DMXL2: variants seen among roughly 807,000 people sequenced by gnomAD.
DMXL2 encodes the protein dmX-like protein 2.
Under a neutral mutation model 331.1 loss-of-function variants are expected in DMXL2, and 103 were observed. That is an observed-to-expected ratio of 0.31 (90% CI 0.27 to 0.37). The LOEUF is 0.37. Among genes scored for constraint, DMXL2 ranks in the 10% least tolerant of loss-of-function variants. DMXL2 has a pLI of 1.00. For synonymous variants in DMXL2, 1,281 were observed against 1,252.1 expected (o/e 1.02, Z -0.49); for missense variants, 3,171 against 3,642.9 (o/e 0.87, Z 3.33).
intron 1 of DMXL2, among the ~76,000 whole-genome samples, chr15:51,613,888 A>C (rs915600267): frequency 1.3e-5 from 2 of 152,204 alleles, no homozygotes; most frequent in Non-Finnish European, 2.9e-5. Context: ...ACCACCAAGT[A>C]GGGTGGCCAC....
In DMXL2 at chr15:51,542,325, T is replaced by C. The variant is rs777731804; in HGVS notation, c.1105+8A>G. The C allele has an allele frequency of 3.9e-5, 62 of 1,609,942 alleles. 1 individual carries two copies. Among genetic ancestry groups the C allele is most frequent in the African/African-American group, 1.3e-5 (1 of 74,860 alleles). On this transcript the variant is annotated splice_region_variant and intron_variant, in intron 9 of 43. Coordinates refer to ENST00000560891, the MANE Select transcript of DMXL2 (RefSeq NM_001378457.1). Reference sequence around the variant, plus strand: ...CATATTTATGGGAAATAAAACTTTATCCTTTACCTGTGGCAGGGTTGATGC... The same window carrying C: ...CATATTTATGGGAAATAAAACTTTACCCTTTACCTGTGGCAGGGTTGATGC...
At chr15:51,477,990 T>G (rs1459859973) in intron 26 of DMXL2, among the ~76,000 whole-genome samples, 1 of 152,058 alleles carries the variant, frequency 6.6e-6, no homozygotes, top group Admixed American at 6.5e-5. Flanking sequence ...TTTCATATTA[T>G]AAGTTATTAT....
intron 6 of DMXL2, among the ~76,000 whole-genome samples, chr15:51,560,062 T>C (rs1354543097): frequency 6.6e-6 from 1 of 152,164 alleles, no homozygotes; most frequent in Non-Finnish European, 1.5e-5. Context: ...GAATGAACTA[T>C]TCAGTAAATG....
At chr15:51,459,567 A>G (rs979355575) in intron 34 of DMXL2, 31 bp downstream of exon 34, 1 of 1,289,166 alleles carries the variant, frequency 7.8e-7, no homozygotes, top group African/African-American at 1.5e-5. Context: ...ACTTTAAAGA[A>G]TGAGCTAAAT....
intron 25 of DMXL2, among the ~76,000 whole-genome samples, chr15:51,479,090 A>G (rs1595949684): frequency 6.6e-6 from 1 of 152,264 alleles, no homozygotes; most frequent in South Asian, 2.1e-4. Context: ...TTGAATTCAT[A>G]TGCTTTTTAT....
intron 3 of DMXL2, 64 bp from the exon 4 acceptor site, chr15:51,565,230 A>T (rs2141050078): frequency 1.0e-6 from 1 of 983,018 alleles, no homozygotes; most frequent in Non-Finnish European, 1.5e-6. Flanking sequence ...TAATATCCCA[A>T]AACACTACCA....
Position 51,622,664 on chromosome 15 carries a change from G to A in DMXL2, c.-119C>T, listed in dbSNP as rs2054735961. On this transcript the variant is annotated 5_prime_UTR_variant, in exon 1 of 44. Transcript: ENST00000560891. ...TCCCTCGGAAACCCGCCCCGCGGAGGCTCTGGCTTAACTCCTCGCCCCCCT... is the reference window on the plus strand; with the variant it reads ...TCCCTCGGAAACCCGCCCCGCGGAGACTCTGGCTTAACTCCTCGCCCCCCT... 4 of 1,446,254 alleles carry A rather than the reference G, an allele frequency of 2.8e-6. No individual in the cohort carries two copies. In the South Asian group the frequency reaches 4.3e-5, roughly 16 times the overall value. The allele number at this position is 1,446,254 out of a possible 1,614,324, so 89.6% of individuals were successfully genotyped here.
intron 37 of DMXL2, among the ~76,000 whole-genome samples, chr15:51,457,116 G>C (rs1040464544): frequency 6.6e-6 from 1 of 152,230 alleles, no homozygotes; most frequent in South Asian, 2.1e-4. Context: ...AGGCTGCAGT[G>C]AGCCGAAATT....
intron 13 of DMXL2, among the ~76,000 whole-genome samples, chr15:51,518,134 AC>A (rs1478851940): frequency 6.6e-6 from 1 of 152,066 alleles, no homozygotes; most frequent in Non-Finnish European, 1.5e-5. Context: ...GAGTTAAGAG[AC>A]CAGCCTGGCC....
chr15:51,476,452 G>GA, intron 27 of DMXL2, 137 bp downstream of exon 27: 8 of 1,039,954 alleles, frequency 7.7e-6, no homozygotes, highest in Non-Finnish European at 1.1e-5. Context: ...ATCCATAGCA[G>GA]AAAAACATCA....
Position 51,499,186 on chromosome 15 carries a change from T to C in DMXL2, c.4038A>G (p.Gln1346=), listed in dbSNP as rs1441118290. ...ATTCTAACAGCTGAGTTGGATGATA[T>C]TGTGGAAGAGTAGGGGAAAGTACAT... ...AAHVLSPTLP[Q]YHPTQLLELM... The change falls in exon 18 of 44, where the codon CAA becomes CAG. Residue 1346 remains glutamine (Q), a synonymous_variant. Transcript: ENST00000560891. The C allele has an allele frequency of 8.7e-6, 14 of 1,614,006 alleles. No homozygotes were observed. The highest frequency in any genetic ancestry group is 6.6e-5 in the South Asian group (6 of 91,088).
chr15:51,457,565 T>G lies in DMXL2; in HGVS notation c.8199-99A>C, dbSNP rs2271674. 15,629 of 1,386,788 alleles carry G rather than the reference T, an allele frequency of 0.011. 831 individuals are homozygous for G. In the African/African-American group the frequency reaches 0.13, roughly 12 times the overall value. The allele number at this position is 1,386,788 out of a possible 1,614,324, so 85.9% of individuals were successfully genotyped here. A position where few individuals can be genotyped will look rare whatever the true frequency, so the allele number is the denominator to read the frequency against. ...TATGTACCCATAGGACAATCTTTAT[T>G]TTAAAAACTAAGTAGCCATGAGAAA... is the stretch of plus-strand genomic sequence containing the variant. On this transcript the variant is annotated intron_variant, in intron 36 of 43. Transcript: ENST00000560891.
intron 1 of DMXL2, among the ~76,000 whole-genome samples, chr15:51,607,512 GAAAT>G (rs2053674389): frequency 6.6e-6 from 1 of 152,092 alleles, no homozygotes; most frequent in Non-Finnish European, 1.5e-5. Flanking sequence ...ATTAGTCACA[GAAAT>G]AAAGTCAGAA....
At chr15:51,541,186 C>T (rs2048574963) in intron 9 of DMXL2, among the ~76,000 whole-genome samples, 1 of 152,012 alleles carries the variant, frequency 6.6e-6, no homozygotes, top group Admixed American at 6.6e-5. Flanking sequence ...AGCAAAACAA[C>T]ATTTAATCAG....
chr15:51,590,149 A>T (rs928914717), intron 1 of DMXL2, among the ~76,000 whole-genome samples: 2 of 152,144 alleles, frequency 1.3e-5, no homozygotes, highest in African/African-American at 4.8e-5. Flanking sequence ...AGAATTTAAT[A>T]CCAAAAGCCA....
intron 6 of DMXL2, among the ~76,000 whole-genome samples, chr15:51,557,210 C>T (rs940164021): frequency 1.2e-4 from 19 of 152,042 alleles, no homozygotes; most frequent in African/African-American, 4.3e-4. Context: ...GGCATAAAGC[C>T]AATATACAAA....
chr15:51,600,984 C>A (rs2053185596), intron 1 of DMXL2, among the ~76,000 whole-genome samples: 1 of 152,040 alleles, frequency 6.6e-6, no homozygotes, highest in South Asian at 2.1e-4. Context: ...CAAGAAAGAT[C>A]AAATTAGAGG....
chr15:51,592,492 T>G (rs2052448954), intron 1 of DMXL2, among the ~76,000 whole-genome samples: 1 of 152,206 alleles, frequency 6.6e-6, no homozygotes, highest in African/African-American at 2.4e-5. Context: ...GAAAACACTC[T>G]ACAGGATATT....
intron 6 of DMXL2, among the ~76,000 whole-genome samples, chr15:51,550,162 T>C (rs1409741814): frequency 1.3e-5 from 2 of 152,040 alleles, no homozygotes; most frequent in African/African-American, 2.4e-5. Context: ...ATAAACAGAA[T>C]TAAAAACAAA....
Sources: gnomAD v4.1 joint callset for allele counts (sites outside exome capture counted in the v4.1 genomes callset) on GRCh38, gnomAD v4.1.1 for gene constraint, MANE v1.5 for transcripts, NCBI Gene and HGNC (gene_info 2026-07-23, HGNC 2026-07-21) for gene names.